CFAP299: variants seen among roughly 807,000 people sequenced by gnomAD.
CFAP299 encodes cilia and flagella associated protein 299.
CFAP299 carries 21 observed loss-of-function variants against 27.0 expected under a neutral mutation model. The ratio of observed to expected loss-of-function variants is 0.78; its 90% CI spans 0.55 to 1.12. The LOEUF (loss-of-function observed/expected upper bound fraction) is 1.12. CFAP299 is among the 50% of genes most tolerant of loss of function. The pLI, the probability that CFAP299 is intolerant of heterozygous loss-of-function variation, is 0.00. For missense variants in CFAP299, 310 were observed against 276.6 expected, an observed-to-expected ratio of 1.12 and a Z score of -0.86; for synonymous variants, 104 against 98.1, an observed-to-expected ratio of 1.06 and a Z score of -0.36.
intron 4 of CFAP299, among the ~76,000 whole-genome samples, chr4:80,924,809 A>C (rs951237605): frequency 6.6e-6 from 1 of 151,286 alleles, no homozygotes; most frequent in Non-Finnish European, 1.5e-5. Flanking sequence ...TAAAAGACAA[A>C]ATCATTTTAT....
intron 2 of CFAP299, among the ~76,000 whole-genome samples, chr4:80,482,609 C>T (rs1730621915): frequency 1.3e-5 from 2 of 152,050 alleles, no homozygotes; most frequent in Non-Finnish European, 2.9e-5. Flanking sequence ...ATATTGTTTT[C>T]AGTGATGGAA....
intron 2 of CFAP299, among the ~76,000 whole-genome samples, chr4:80,552,879 G>T (rs1321502199): frequency 6.6e-6 from 1 of 152,102 alleles, no homozygotes; most frequent in African/African-American, 2.4e-5. Flanking sequence ...AGAGATGGGG[G>T]CGCTCACTAT....
intron 3 of CFAP299, among the ~76,000 whole-genome samples, chr4:80,787,442 C>T (rs1184109011): frequency 1.3e-5 from 2 of 151,854 alleles, no homozygotes; most frequent in African/African-American, 2.4e-5. Flanking sequence ...AAATGTGTCA[C>T]AGCCCAGAGA....
intron 3 of CFAP299, among the ~76,000 whole-genome samples, chr4:80,723,273 C>G (rs1253513762): frequency 6.6e-6 from 1 of 152,120 alleles, no homozygotes; most frequent in African/African-American, 2.4e-5. Context: ...AAAATATATG[C>G]TCATACAATG....
intron 4 of CFAP299, among the ~76,000 whole-genome samples, chr4:80,880,735 A>G: frequency 6.6e-6 from 1 of 151,186 alleles, no homozygotes; most frequent in Non-Finnish European, 1.5e-5. Context: ...CAAAAAATAA[A>G]ATAAAATAAA....
intron 2 of CFAP299, among the ~76,000 whole-genome samples, chr4:80,539,900 A>G (rs1365003960): frequency 2.0e-5 from 3 of 152,204 alleles, no homozygotes; most frequent in African/African-American, 2.4e-5. Context: ...GAGGTGTCCA[A>G]GATGAGGGAA....
chr4:80,409,332 GTT>G (rs1483629927), intron 2 of CFAP299, among the ~76,000 whole-genome samples: 5 of 152,034 alleles, frequency 3.3e-5, no homozygotes, highest in Admixed American at 3.3e-4. Flanking sequence ...CAGAAAATGT[GTT>G]TGTAATATGT....
chr4:80,696,544 A>T (rs760161980), intron 3 of CFAP299, among the ~76,000 whole-genome samples: 62 of 152,354 alleles, frequency 4.1e-4, no homozygotes, highest in Non-Finnish European at 8.1e-4. Context: ...GTAGCACAAT[A>T]GTAAAAATAC....
chr4:80,732,920 G>A (rs1290241421), intron 3 of CFAP299, among the ~76,000 whole-genome samples: 1 of 152,008 alleles, frequency 6.6e-6, no homozygotes, highest in Non-Finnish European at 1.5e-5. Flanking sequence ...GATGATATAA[G>A]CCTTATTAAT....
At chr4:80,439,487 A>G (rs1399900332) in intron 2 of CFAP299, among the ~76,000 whole-genome samples, 1 of 152,178 alleles carries the variant, frequency 6.6e-6, no homozygotes, top group Non-Finnish European at 1.5e-5. Flanking sequence ...CTGAGGGACT[A>G]TGACATGAGG....
In CFAP299 at chr4:80,765,673, T is replaced by A. The variant is rs1725822858; in HGVS notation, c.334-104320T>A. On this transcript the variant is annotated intron_variant, in intron 3 of 5. Coordinates refer to ENST00000358105, the MANE Select transcript of CFAP299 (RefSeq NM_152770.3). ...TACATGTGCACAACATGCAGGTTTGTTAGCACACCAATATAAAAATAAATG... is the reference window on the plus strand; with the variant it reads ...TACATGTGCACAACATGCAGGTTTGATAGCACACCAATATAAAAATAAATG... Among the ~76,000 whole-genome samples, 3 of 152,110 alleles carry A rather than the reference T, an allele frequency of 2.0e-5. No individual in the cohort carries two copies. In the South Asian group the frequency reaches 6.2e-4, roughly 32 times the overall value.
intron 3 of CFAP299, among the ~76,000 whole-genome samples, chr4:80,633,223 C>T (rs980356477): frequency 5.3e-5 from 8 of 152,136 alleles, no homozygotes; most frequent in Non-Finnish European, 8.8e-5. Context: ...CCGAGGCGGG[C>T]GGATCACGAG....
In CFAP299 at chr4:80,937,312, C is replaced by CTTTTTTTTTTTTTTTTTTTTTTTTTTTTT. The variant is rs70956081; in HGVS notation, c.477-7476_477-7475insTTTTTTTTTTTTTTTTTTTTTTTTTTTTT. Among the ~76,000 whole-genome samples the CTTTTTTTTTTTTTTTTTTTTTTTTTTTTT allele has an allele frequency of 8.6e-4, 59 of 68,662 alleles. 6 individuals carry two copies. Among genetic ancestry groups the CTTTTTTTTTTTTTTTTTTTTTTTTTTTTT allele is most frequent in the African/African-American group, 2.0e-3 (30 of 15,268 alleles). The allele number at this position is 68,662 out of a possible 152,430, so 45.0% of individuals were successfully genotyped here. On this transcript the variant is annotated intron_variant, in intron 4 of 5. Coordinates refer to ENST00000358105, the MANE Select transcript of CFAP299 (RefSeq NM_152770.3). ...TTTTCTTTTTTCTTTTTTTTTCTTT[C>CTTTTTTTTTTTTTTTTTTTTTTTTTTTTT]TTTTTTTTTTTTTTTTTTTTTTGAG...
At chr4:80,499,118 G>T (rs577294467) in intron 2 of CFAP299, among the ~76,000 whole-genome samples, 2 of 152,216 alleles carry the variant, frequency 1.3e-5, no homozygotes, top group South Asian at 4.1e-4. Context: ...GGTGGGAACA[G>T]AAAACTTACC....
At chr4:80,531,342 G>A (rs1209003146) in intron 2 of CFAP299, among the ~76,000 whole-genome samples, 1 of 152,158 alleles carries the variant, frequency 6.6e-6, no homozygotes, top group Admixed American at 6.5e-5. Context: ...TACATTTTGT[G>A]TTAGTGTATA....
chr4:80,928,254 C>T (rs778757664), intron 4 of CFAP299, among the ~76,000 whole-genome samples: 117 of 152,106 alleles, frequency 7.7e-4, no homozygotes, highest in Non-Finnish European at 1.3e-3. Context: ...ACAGGCACAG[C>T]CACAGTGTCT....
At chr4:80,521,042 A>C (rs1336870670) in intron 2 of CFAP299, among the ~76,000 whole-genome samples, 1 of 152,280 alleles carries the variant, frequency 6.6e-6, no homozygotes, top group Admixed American at 6.5e-5. Flanking sequence ...AAATAGAGGA[A>C]ACTTTTGCGA....
intron 2 of CFAP299, among the ~76,000 whole-genome samples, chr4:80,531,176 C>G (rs1578560335): frequency 6.6e-6 from 1 of 151,990 alleles, no homozygotes; most frequent in African/African-American, 2.4e-5. Context: ...GTAGAAATAG[C>G]AAGAAATGGC....
At chr4:80,679,376 T>A (rs892671945) in intron 3 of CFAP299, among the ~76,000 whole-genome samples, 2 of 152,100 alleles carry the variant, frequency 1.3e-5, no homozygotes, top group African/African-American at 2.4e-5. Context: ...ATAAAAATGC[T>A]ATAATTATAT....
Sources: gnomAD v4.1 joint callset for allele counts (sites outside exome capture counted in the v4.1 genomes callset) on GRCh38, gnomAD v4.1.1 for gene constraint, MANE v1.5 for transcripts, NCBI Gene and HGNC (gene_info 2026-07-23, HGNC 2026-07-21) for gene names.